RIMBP2: variants seen among roughly 807,000 people sequenced by gnomAD.
The protein encoded by RIMBP2 is RIMS binding protein 2.
A neutral mutation model predicts 118.6 loss-of-function variants in RIMBP2; 48 were observed. The ratio of observed to expected loss-of-function variants is 0.40; its 90% confidence interval spans 0.32 to 0.51. RIMBP2 has a LOEUF of 0.51. Among genes scored for constraint, RIMBP2 ranks in the 20% least tolerant of loss-of-function variants. The pLI is 0.41. For synonymous variants in RIMBP2, 762 were observed against 742.9 expected (o/e 1.03, Z -0.42); for missense variants, 1,551 against 1,768.3 (o/e 0.88, Z 2.20).
At chr12:130,520,918 G>A (rs569309406) in intron 2 of RIMBP2, among the ~76,000 whole-genome samples, 12 of 152,272 alleles carry the variant, frequency 7.9e-5, no homozygotes, top group East Asian at 3.9e-4. Flanking sequence ...AGCATCCCAC[G>A]TTGTCCATGC....
chr12:130,455,040 G>A (rs907387580), intron 7 of RIMBP2, among the ~76,000 whole-genome samples: 3 of 152,354 alleles, frequency 2.0e-5, no homozygotes, highest in Non-Finnish European at 2.9e-5. Flanking sequence ...CGGTGGGCAC[G>A]GTGCCCGCGC....
intron 4 of RIMBP2, among the ~76,000 whole-genome samples, chr12:130,496,508 A>AG (rs1469588763): frequency 1.3e-5 from 2 of 152,116 alleles, no homozygotes; most frequent in African/African-American, 2.4e-5. Flanking sequence ...GCTCTGGGGT[A>AG]GAGGAGGCTG....
intron 2 of RIMBP2, among the ~76,000 whole-genome samples, chr12:130,583,785 C>A (rs1344326885): frequency 3.7e-5 from 3 of 80,748 alleles, no homozygotes; most frequent in African/African-American, 1.0e-4. Context: ...CCACCGCCAT[C>A]ACCTCATCAC....
At chr12:130,409,872 T>C (rs1010009553) in intron 19 of RIMBP2, among the ~76,000 whole-genome samples, 2 of 152,238 alleles carry the variant, frequency 1.3e-5, no homozygotes, top group African/African-American at 4.8e-5. Context: ...AGTTTTTTTG[T>C]GTGTGAACGT....
intron 1 of RIMBP2, among the ~76,000 whole-genome samples, chr12:130,686,877 G>A (rs1430013795): frequency 1.3e-5 from 2 of 152,246 alleles, no homozygotes; most frequent in Non-Finnish European, 2.9e-5. Context: ...TACGAGCCCA[G>A]AAGGCAGCGG....
chr12:130,684,424 A>G (rs2064950837), intron 1 of RIMBP2, among the ~76,000 whole-genome samples: 1 of 152,232 alleles, frequency 6.6e-6, no homozygotes, highest in African/African-American at 2.4e-5. Flanking sequence ...GGCTCAGAAT[A>G]AATCTCTTCA....
chr12:130,498,010 C>T (rs1223574523), intron 4 of RIMBP2, among the ~76,000 whole-genome samples: 1 of 152,240 alleles, frequency 6.6e-6, no homozygotes, highest in Non-Finnish European at 1.5e-5. Context: ...GCAGATTGAT[C>T]TGTAGATGTG....
At chr12:130,690,349 C>T (rs766027857) in intron 1 of RIMBP2, among the ~76,000 whole-genome samples, 5 of 152,134 alleles carry the variant, frequency 3.3e-5, no homozygotes, top group African/African-American at 9.7e-5. Context: ...GGGGTCTGCC[C>T]GCCACAGAAA....
intron 2 of RIMBP2, among the ~76,000 whole-genome samples, chr12:130,573,681 A>G: frequency 6.6e-6 from 1 of 152,106 alleles, no homozygotes; most frequent in Non-Finnish European, 1.5e-5. Context: ...CCTCAGTGAC[A>G]GGGGTAGCCA....
chr12:130,599,309 A>T (rs1430807660), intron 2 of RIMBP2, among the ~76,000 whole-genome samples: 1 of 152,260 alleles, frequency 6.6e-6, no homozygotes, highest in Non-Finnish European at 1.5e-5. Flanking sequence ...GAGTGACATC[A>T]TTAAGAGAAT....
At chr12:130,612,726 G>A (rs1008377168) in intron 2 of RIMBP2, among the ~76,000 whole-genome samples, 4 of 152,220 alleles carry the variant, frequency 2.6e-5, no homozygotes, top group Admixed American at 6.5e-5. Flanking sequence ...GGCTTCCCCA[G>A]TAACCAAACC....
rs190693915 is a variant in RIMBP2, at chr12:130,622,737, T to C, written c.-217+5585A>G. 5.3e-5 allele frequency among the ~76,000 whole-genome samples: 8 copies of C among 152,224 alleles called. No individual in the cohort carries two copies. The East Asian group carries it at 1.5e-3, about 29-fold the overall frequency. On this transcript the variant is annotated intron_variant, in intron 2 of 22. Coordinates refer to ENST00000690449, the MANE Select transcript of RIMBP2 (RefSeq NM_001393629.1). This position sits in a 1 kb window ranked among gnomAD's most constrained non-coding sequence, Gnocchi z 8.5. ...CTATTTTATTGCCTGTACAACACTC[T>C]TGGAAATATTGGGCTAGTTGGCAGA... is the stretch of plus-strand genomic sequence containing the variant.
intron 2 of RIMBP2, among the ~76,000 whole-genome samples, chr12:130,541,804 T>C (rs1259979984): frequency 6.6e-6 from 1 of 152,236 alleles, no homozygotes; most frequent in African/African-American, 2.4e-5. Flanking sequence ...GTATTTGTAT[T>C]GTTGTGTTCA....
chr12:130,636,775 T>C (rs1255674882), intron 1 of RIMBP2, among the ~76,000 whole-genome samples: 1 of 152,174 alleles, frequency 6.6e-6, no homozygotes, highest in South Asian at 2.1e-4. Flanking sequence ...AGAAACCAAG[T>C]CCTGACAGCA....
At chr12:130,602,302 T>C (rs532707298) in intron 2 of RIMBP2, among the ~76,000 whole-genome samples, 126 of 152,256 alleles carry the variant, frequency 8.3e-4, no homozygotes, top group African/African-American at 2.9e-3. Context: ...CTGCCGCCCA[T>C]CTCTCTCAAC....
intron 11 of RIMBP2, among the ~76,000 whole-genome samples, chr12:130,440,523 G>A (rs1359141180): frequency 1.3e-5 from 2 of 152,092 alleles, no homozygotes; most frequent in Non-Finnish European, 2.9e-5. Flanking sequence ...TAGTGTCCAG[G>A]GGAGCCTCTC....
intron 20 of RIMBP2, among the ~76,000 whole-genome samples, chr12:130,406,957 C>T (rs2075235780): frequency 6.6e-6 from 1 of 152,212 alleles, no homozygotes; most frequent in East Asian, 1.9e-4. Flanking sequence ...TCTCTTTATT[C>T]AGTGTCTACG....
intron 5 of RIMBP2, chr12:130,472,006 C>T (rs1384784525): frequency 6.6e-6 from 1 of 152,498 alleles, no homozygotes; most frequent in East Asian, 1.9e-4. Context: ...GGAGGTGAGG[C>T]TGCAGCCACT....
At chr12:130,455,299 G>A (rs1203749559) in intron 7 of RIMBP2, among the ~76,000 whole-genome samples, 1 of 152,238 alleles carries the variant, frequency 6.6e-6, no homozygotes, top group Non-Finnish European at 1.5e-5. Flanking sequence ...ATCTAGAAGA[G>A]CCCAAGTCAC....
Sources: allele counts gnomAD v4.1 joint callset (sites outside exome capture counted in the v4.1 genomes callset), GRCh38; gene constraint gnomAD v4.1.1; non-coding constraint Gnocchi (gnomAD v3.1); transcripts MANE v1.5; gene names NCBI Gene and HGNC (gene_info 2026-07-23, HGNC 2026-07-21).